The following IL5 variants were observed in gnomAD, a reference collection of about 807,000 sequenced individuals.
The protein encoded by IL5 is interleukin 5.
Under a neutral mutation model 16.3 loss-of-function variants are expected in IL5, and 12 were observed. The ratio of observed to expected loss-of-function variants is 0.74; its 90% CI spans 0.47 to 1.20. The LOEUF (loss-of-function observed/expected upper bound fraction) is 1.20, where lower values mean the gene tolerates loss of function less well. Ranked by LOEUF, IL5 falls within the 50% of genes most tolerant of loss-of-function variation. The pLI, the probability that IL5 is intolerant of heterozygous loss-of-function variation, is 0.00. For synonymous variants in IL5, 54 were observed against 56.6 expected (o/e 0.95, Z 0.21); for missense variants, 159 against 153.9 (o/e 1.03, Z -0.17).
upstream of IL5, among the ~76,000 whole-genome samples, chr5:132,544,494 A>T (rs946051528): frequency 6.6e-5 from 10 of 152,240 alleles, no homozygotes; most frequent in Admixed American, 6.5e-4. Flanking sequence ...TCACAGATAC[A>T]CAATACATGG....
upstream of IL5, among the ~76,000 whole-genome samples, chr5:132,547,762 A>G (rs1056256529): frequency 6.6e-6 from 1 of 152,178 alleles, no homozygotes; most frequent in Non-Finnish European, 1.5e-5. Flanking sequence ...TACTTAAAAT[A>G]AAAAGTGTAT....
chr5:132,556,707 T>C, exon 1 of IL5: 5 of 1,250,738 alleles, frequency 4.0e-6, no homozygotes, highest in African/African-American at 3.2e-5. Flanking sequence ...ACCCCACCAC[T>C]ACCCCCATTC....
In IL5 at chr5:132,541,608, A is replaced by C. The variant is rs1026737121; in HGVS notation, c.*203T>G. ...ATATCAATTTTGCCTGGAGGAAAATACTTCAATGATTCTGATATCTGAAAT... is the reference window on the plus strand; with the variant it reads ...ATATCAATTTTGCCTGGAGGAAAATCCTTCAATGATTCTGATATCTGAAAT... On this transcript the variant is annotated 3_prime_UTR_variant, in exon 4 of 4. Transcript: ENST00000231454. 2 of 466,118 alleles carry C rather than the reference A, an allele frequency of 4.3e-6. No homozygotes were observed. Among genetic ancestry groups the C allele is most frequent in the South Asian group, 4.2e-5 (1 of 23,850 alleles). The allele number at this position is 466,118 out of a possible 1,614,324, so 28.9% of individuals were successfully genotyped here.
chr5:132,554,492 G>A (rs944427371), intron 1 of IL5, among the ~76,000 whole-genome samples: 1 of 151,796 alleles, frequency 6.6e-6, no homozygotes, highest in Non-Finnish European at 1.5e-5. Context: ...ATTACAATGA[G>A]GTATCACTTC....
At position 132,543,361 on chromosome 5, in the gene IL5, G is replaced by A. The variant is rs149977915; in HGVS notation, c.118C>T (p.His40Tyr). ...VKETLALLST[H>Y]RTLLIANETL... ...TCATTGGCTATCAGCAGAGTTCGAT[G>A]AGTAGAAAGCAGTGCCAAGGTCTCT... The change falls in exon 1 of 4, where the codon CAT (histidine) becomes TAT (tyrosine). Residue 40 changes from histidine to tyrosine, a missense_variant. By Grantham distance (83) the His-to-Tyr change is moderately conservative (BLOSUM62 2). Coordinates refer to ENST00000231454, the MANE Select transcript of IL5 (RefSeq NM_000879.3). 1.1e-4 allele frequency: 180 copies of A among 1,614,202 alleles called. No individual in the cohort carries two copies. Among genetic ancestry groups the A allele is most frequent in the Non-Finnish European group, 1.4e-4 (170 of 1,180,020 alleles).
At chr5:132,544,037 T>G (rs1749745933), upstream of IL5, 1 of 152,324 alleles carries the variant, frequency 6.6e-6, no homozygotes, top group Admixed American at 6.5e-5. Context: ...TCCTTTCTGT[T>G]GCCAGTGACT....
Position 132,541,582 on chromosome 5 carries a change from T to C in IL5, c.*229A>G, listed in dbSNP as rs1233578911. 2.4e-6 allele frequency: 1 copy of C among 425,190 alleles called. No individual in the cohort carries two copies. Among genetic ancestry groups the C allele is most frequent in the Non-Finnish European group, 4.1e-6 (1 of 241,300 alleles). The allele number at this position is 425,190 out of a possible 1,614,324, so 26.3% of individuals were successfully genotyped here. The stretch of plus-strand genomic sequence containing the variant: ...AATGTTAAGTTAAATAAGAAAAAAG[T>C]ATATCAATTTTGCCTGGAGGAAAAT... On this transcript the variant is annotated 3_prime_UTR_variant, in exon 4 of 4. Coordinates refer to ENST00000231454, the MANE Select transcript of IL5 (RefSeq NM_000879.3).
At chr5:132,554,666 G>A (rs1258922937) in intron 1 of IL5, among the ~76,000 whole-genome samples, 1 of 152,128 alleles carries the variant, frequency 6.6e-6, no homozygotes, top group African/African-American at 2.4e-5. Context: ...TTGAATTACT[G>A]TATGATCTAA....
At chr5:132,544,803 G>A (rs1749758064), upstream of IL5, among the ~76,000 whole-genome samples, 1 of 152,206 alleles carries the variant, frequency 6.6e-6, no homozygotes, top group African/African-American at 2.4e-5. Flanking sequence ...AGAACAGATG[G>A]TACCAAACAC....
chr5:132,555,828 T>G (rs2149828919), intron 1 of IL5, among the ~76,000 whole-genome samples: 1 of 152,342 alleles, frequency 6.6e-6, no homozygotes, highest in East Asian at 1.9e-4. Flanking sequence ...ACAGTAAATT[T>G]TATGTGTATT....
intron 1 of IL5, among the ~76,000 whole-genome samples, chr5:132,555,517 G>T (rs75810325): frequency 1.3e-5 from 2 of 152,180 alleles, no homozygotes; most frequent in African/African-American, 4.8e-5. Context: ...ACTTGGTTAA[G>T]ATAGTAAATT....
chr5:132,547,864 G>A (rs535661269), upstream of IL5, among the ~76,000 whole-genome samples: 2 of 152,316 alleles, frequency 1.3e-5, no homozygotes, highest in African/African-American at 4.8e-5. Flanking sequence ...GAAGTCAGCA[G>A]TTCGAGACCA....
At chr5:132,544,690 G>A (rs1321328312), upstream of IL5, among the ~76,000 whole-genome samples, 1 of 152,174 alleles carries the variant, frequency 6.6e-6, no homozygotes, top group African/African-American at 2.4e-5. Flanking sequence ...TATGATGGAG[G>A]TGTATGTGGC....
intron 1 of IL5, among the ~76,000 whole-genome samples, chr5:132,555,658 G>A (rs891871589): frequency 2.0e-5 from 3 of 152,086 alleles, no homozygotes; most frequent in Non-Finnish European, 2.9e-5. Context: ...TGGGACCATC[G>A]GCGCCTGCCA....
upstream of IL5, among the ~76,000 whole-genome samples, chr5:132,545,990 C>A (rs75592681): frequency 1.3e-5 from 2 of 152,110 alleles, no homozygotes; most frequent in African/African-American, 4.8e-5. Flanking sequence ...GGCTGAAATC[C>A]TGCTTATTAT....
chr5:132,542,098 C>T lies in IL5; in HGVS notation c.223G>A (p.Glu75Lys). 2 of 1,613,044 alleles carry T rather than the reference C, an allele frequency of 1.2e-6. No individual in the cohort carries two copies. The highest frequency in any genetic ancestry group is 1.7e-6 in the Non-Finnish European group (2 of 1,179,144). ...EEIFQGIGTL[E>K]SQTVQGGTVE... Reference sequence around the variant, plus strand: ...GTACCCCCTTGCACAGTTTGACTCTCCAGTGTGCCTATTCCCTGAAAGATT... The same window carrying T: ...GTACCCCCTTGCACAGTTTGACTCTTCAGTGTGCCTATTCCCTGAAAGATT... The change falls in exon 3 of 4, where the codon GAG becomes AAG. Residue 75 changes from glutamate (E) to lysine (K), a missense_variant. Coordinates refer to ENST00000231454, the MANE Select transcript of IL5 (RefSeq NM_000879.3).
At chr5:132,545,941 AC>A (rs1312686681), upstream of IL5, among the ~76,000 whole-genome samples, 11 of 152,188 alleles carry the variant, frequency 7.2e-5, no homozygotes, top group African/African-American at 2.7e-4. Flanking sequence ...AAACAAAAAA[AC>A]AAAAAGCACA....
intron 1 of IL5, 101 bp from the exon 2 acceptor site, chr5:132,543,227 G>A: frequency 7.1e-7 from 1 of 1,401,848 alleles, no homozygotes; most frequent in South Asian, 1.2e-5. Context: ...ATGTACTAAT[G>A]TGCTCAGAAT....
Position 132,542,077 on chromosome 5 carries a change from C to G in IL5, c.244G>C (p.Gly82Arg). The G allele has an allele frequency of 6.2e-7, 1 of 1,613,470 alleles. No individual in the cohort carries two copies. Reference protein sequence around the residue: ...GTLESQTVQGGTVERLFKNLS... With the variant: ...GTLESQTVQGRTVERLFKNLS... ...TTTTTGAATAGTCTTTCCACAGTAC[C>G]CCCTTGCACAGTTTGACTCTCCAGT... The change falls in exon 3 of 4, where the codon GGT becomes CGT. Residue 82 changes from glycine to arginine, a missense_variant. Coordinates refer to ENST00000231454, the MANE Select transcript of IL5 (RefSeq NM_000879.3).
Sources: allele counts gnomAD v4.1 joint callset (sites outside exome capture counted in the v4.1 genomes callset), GRCh38; gene constraint gnomAD v4.1.1; transcripts MANE v1.5; gene names NCBI Gene and HGNC (gene_info 2026-07-23, HGNC 2026-07-21).